The following SCHIP1 variants were observed in gnomAD, a reference collection of about 807,000 sequenced individuals.
SCHIP1 encodes the protein schwannomin interacting protein 1.
A neutral mutation model predicts 29.7 loss-of-function variants in SCHIP1; 8 were observed. That is an observed-to-expected ratio of 0.27 (90% CI 0.16 to 0.49). The LOEUF (loss-of-function observed/expected upper bound fraction) is 0.49. Ranked by LOEUF, SCHIP1 falls within the 20% of genes least tolerant of loss-of-function variation. SCHIP1 has a pLI of 0.99. For synonymous variants in SCHIP1, 76 were observed against 94.9 expected (o/e 0.80, Z 1.16); for missense variants, 193 against 294.6 (o/e 0.66, Z 2.52).
chr3:159,366,639 G>A, the SCHIP1 span, among the ~76,000 whole-genome samples: 2 of 152,068 alleles, frequency 1.3e-5, no homozygotes, highest in Non-Finnish European at 2.9e-5. Flanking sequence ...GTCCCTCCAG[G>A]CTTAATCATT....
chr3:159,356,831 A>C, the SCHIP1 span, among the ~76,000 whole-genome samples: 5 of 152,232 alleles, frequency 3.3e-5, no homozygotes, highest in African/African-American at 1.2e-4. Flanking sequence ...CTTTCATTAT[A>C]GCAGAAACAT....
At chr3:159,806,744 C>T in the SCHIP1 span, among the ~76,000 whole-genome samples, 1 of 152,204 alleles carries the variant, frequency 6.6e-6, no homozygotes, top group Non-Finnish European at 1.5e-5. Context: ...CTGAGCAGGG[C>T]CCTCCACTCG....
chr3:159,811,388 C>A, the SCHIP1 span, among the ~76,000 whole-genome samples: 2 of 152,150 alleles, frequency 1.3e-5, no homozygotes, highest in Non-Finnish European at 2.9e-5. Context: ...TTGCAAAGAT[C>A]TTCTGCTTTC....
chr3:159,891,874 T>C (rs1717576307), intron 5 of SCHIP1, among the ~76,000 whole-genome samples: 1 of 152,256 alleles, frequency 6.6e-6, no homozygotes, highest in South Asian at 2.1e-4. Context: ...CCCACCTTAA[T>C]ATGAAGGTAA....
At chr3:159,765,177 G>A in the SCHIP1 span, 4 of 1,524,604 alleles carry the variant, frequency 2.6e-6, no homozygotes, top group Non-Finnish European at 2.6e-6. Flanking sequence ...GCGCACACAC[G>A]CGTACACACC....
chr3:159,711,360 C>CAAAAAAAAAA, the SCHIP1 span, among the ~76,000 whole-genome samples: 1 of 6,752 alleles, frequency 1.5e-4, no homozygotes, highest in Non-Finnish European at 2.0e-4. Flanking sequence ...GACTCCGTCT[C>CAAAAAAAAAA]AAAAAAAAAA....
the SCHIP1 span, among the ~76,000 whole-genome samples, chr3:159,750,290 TATATATACAC>T: frequency 1.6e-5 from 2 of 128,796 alleles, no homozygotes; most frequent in African/African-American, 5.9e-5. Context: ...TATATATATA[TATATATACAC>T]ACACACACAC....
At chr3:159,518,673 G>C in the SCHIP1 span, among the ~76,000 whole-genome samples, 1 of 152,062 alleles carries the variant, frequency 6.6e-6, no homozygotes, top group Non-Finnish European at 1.5e-5. Flanking sequence ...AACCTAGAGA[G>C]ATATAATCTC....
the SCHIP1 span, among the ~76,000 whole-genome samples, chr3:159,589,951 G>C: frequency 5.3e-5 from 8 of 152,146 alleles, no homozygotes; most frequent in South Asian, 1.5e-3. Flanking sequence ...GAGAGAGTAG[G>C]GTGGCTAGAT....
the SCHIP1 span, among the ~76,000 whole-genome samples, chr3:159,292,058 G>C: frequency 3.9e-5 from 6 of 152,010 alleles, no homozygotes; most frequent in African/African-American, 1.4e-4. Context: ...CCTTTTCTTA[G>C]TTGTATTGAT....
the SCHIP1 span, among the ~76,000 whole-genome samples, chr3:159,678,856 C>G: frequency 6.6e-6 from 1 of 152,202 alleles, no homozygotes; most frequent in African/African-American, 2.4e-5. Context: ...GGGGAAACCC[C>G]TTATAAAACC....
the SCHIP1 span, among the ~76,000 whole-genome samples, chr3:159,781,955 T>C: frequency 5.3e-5 from 8 of 152,354 alleles, no homozygotes; most frequent in East Asian, 5.8e-4. Flanking sequence ...ATAGCTATTA[T>C]GTATTGAATT....
chr3:159,429,850 A>G, the SCHIP1 span, among the ~76,000 whole-genome samples: 14 of 152,188 alleles, frequency 9.2e-5, no homozygotes, highest in African/African-American at 3.4e-4. Flanking sequence ...TTTATCCCAT[A>G]TGACAGGAGA....
chr3:159,660,928 C>CCCAT, the SCHIP1 span, among the ~76,000 whole-genome samples: 39 of 152,270 alleles, frequency 2.6e-4, 1 homozygote, highest in Middle Eastern at 6.8e-3. Context: ...CATCCATCCA[C>CCCAT]CCATCCACCC....
the SCHIP1 span, among the ~76,000 whole-genome samples, chr3:159,346,746 G>A: frequency 1.3e-5 from 2 of 152,048 alleles, no homozygotes; most frequent in Admixed American, 1.3e-4. Flanking sequence ...GGCATTTGTG[G>A]GTGTGTCTTA....
chr3:159,860,529 T>C (rs760677268), intron 1 of SCHIP1, among the ~76,000 whole-genome samples: 2 of 152,220 alleles, frequency 1.3e-5, no homozygotes, highest in Non-Finnish European at 2.9e-5. Flanking sequence ...ACGTGGTATC[T>C]GTAGGGGTCA....
chr3:159,772,504 A>G, the SCHIP1 span, among the ~76,000 whole-genome samples: 1 of 152,160 alleles, frequency 6.6e-6, no homozygotes, highest in Non-Finnish European at 1.5e-5. Flanking sequence ...TTAACAGTCC[A>G]ACTATCTTAA....
the SCHIP1 span, among the ~76,000 whole-genome samples, chr3:159,772,073 C>T: frequency 1.3e-5 from 2 of 152,184 alleles, no homozygotes; most frequent in Admixed American, 1.3e-4. Flanking sequence ...GCTGGCATTC[C>T]TGACAGAAAT....
At chr3:159,732,525 G>A in the SCHIP1 span, among the ~76,000 whole-genome samples, 1 of 152,236 alleles carries the variant, frequency 6.6e-6, no homozygotes, top group Admixed American at 6.5e-5. Context: ...CAGAGATGGT[G>A]CTGTTTGGAG....
Sources: gnomAD v4.1 joint callset for allele counts (sites outside exome capture counted in the v4.1 genomes callset) on GRCh38, gnomAD v4.1.1 for gene constraint, MANE v1.5 for transcripts, NCBI Gene and HGNC (gene_info 2026-07-23, HGNC 2026-07-21) for gene names.